The following FARP1 variants were observed in gnomAD, a reference collection of about 807,000 sequenced individuals.
FARP1 encodes the protein FERM, ARH/RhoGEF and pleckstrin domain protein 1.
In FARP1, 52 loss-of-function variants were observed where a neutral mutation model predicts 128.8. The ratio of observed to expected loss-of-function variants is 0.40; its 90% CI spans 0.32 to 0.51. The LOEUF is 0.51. Among genes scored for constraint, FARP1 ranks in the 20% least tolerant of loss-of-function variants. The pLI, the probability that FARP1 is intolerant of heterozygous loss-of-function variation, is 0.45. For synonymous variants in FARP1, 580 were observed against 551.8 expected, an observed-to-expected ratio of 1.05 and a Z score of -0.72; for missense variants, 1,333 against 1,367.9, an observed-to-expected ratio of 0.97 and a Z score of 0.40.
chr13:98,223,420 G>A (rs1411362389), intron 2 of FARP1, among the ~76,000 whole-genome samples: 3 of 152,192 alleles, frequency 2.0e-5, no homozygotes, highest in Non-Finnish European at 2.9e-5. Flanking sequence ...CCGCCTCCGG[G>A]GTTCAAGTGA....
At chr13:98,292,250 G>C (rs1267190084) in intron 2 of FARP1, among the ~76,000 whole-genome samples, 4 of 152,162 alleles carry the variant, frequency 2.6e-5, no homozygotes. Flanking sequence ...TCAATACATA[G>C]CATCCACATT....
chr13:98,250,998 C>T (rs994648472), intron 2 of FARP1, among the ~76,000 whole-genome samples: 2 of 152,210 alleles, frequency 1.3e-5, no homozygotes, highest in African/African-American at 4.8e-5. Context: ...TAGGCTCGAG[C>T]ACAGTGCTTG....
At chr13:98,332,688 AACTG>A (rs1195455222) in intron 2 of FARP1, 3 of 152,184 alleles carry the variant, frequency 2.0e-5, no homozygotes, top group Non-Finnish European at 2.9e-5. Flanking sequence ...CCATTCTCCC[AACTG>A]ACTATTTGAA....
chr13:98,308,976 C>T (rs951593751), intron 2 of FARP1, among the ~76,000 whole-genome samples: 9 of 151,862 alleles, frequency 5.9e-5, no homozygotes, highest in South Asian at 2.1e-4. Flanking sequence ...CCACTATGCC[C>T]GGCCAATAGG....
chr13:98,176,098 G>C lies in FARP1; in HGVS notation c.-24+32606G>C. The C allele has an allele frequency of 7.2e-7, 1 of 1,380,954 alleles. No homozygotes were observed. The highest frequency in any genetic ancestry group is 1.2e-5 in the South Asian group (1 of 82,490). 85.5% of individuals were successfully genotyped at this position (1,380,954 alleles called of 1,614,324 possible). A position where few individuals can be genotyped will look rare whatever the true frequency, so the allele number is the denominator to read the frequency against. On this transcript the variant is annotated intron_variant, in intron 1 of 26. Transcript: ENST00000319562. The surrounding 1 kb of genome is among the most constrained non-coding windows in gnomAD (Gnocchi z 6.2). Reference sequence around the variant, plus strand: ...TCAGGCATGGGATTGCAGGAAGACTGTCATCTCTCTCATCTTACTCAACAG... The same window carrying C: ...TCAGGCATGGGATTGCAGGAAGACTCTCATCTCTCTCATCTTACTCAACAG...
intron 25 of FARP1, 46 bp from the exon 26 acceptor site, chr13:98,446,620 A>G: frequency 1.9e-6 from 3 of 1,601,448 alleles, no homozygotes; most frequent in Non-Finnish European, 2.6e-6. Context: ...GCCCAGCAGC[A>G]GAAGCTGACC....
intron 1 of FARP1, among the ~76,000 whole-genome samples, chr13:98,188,851 G>A (rs1879053403): frequency 6.6e-6 from 1 of 152,220 alleles, no homozygotes; most frequent in Non-Finnish European, 1.5e-5. Flanking sequence ...GAGGCTCACC[G>A]TATGGGCCCA....
intron 2 of FARP1, among the ~76,000 whole-genome samples, chr13:98,306,686 TTTTTTTATTTC>T (rs1272599182): frequency 1.3e-4 from 8 of 62,886 alleles, no homozygotes; most frequent in Non-Finnish European, 2.6e-4. Context: ...GGCTAACTTT[TTTTTTTATTTC>T]ATTTTTTGTC....
At chr13:98,165,875 G>A (rs71437958) in intron 1 of FARP1, among the ~76,000 whole-genome samples, 1 of 151,584 alleles carries the variant, frequency 6.6e-6, no homozygotes, top group African/African-American at 2.4e-5. Context: ...ACACCACCAC[G>A]CCTGGCTAAT....
intron 8 of FARP1, among the ~76,000 whole-genome samples, chr13:98,387,320 A>C (rs1269895058): frequency 6.6e-6 from 1 of 152,168 alleles, no homozygotes; most frequent in African/African-American, 2.4e-5. Flanking sequence ...CAATAAAGCC[A>C]AGTGGAGTTT....
At chr13:98,277,142 ACACACACC>A (rs1377697498) in intron 2 of FARP1, among the ~76,000 whole-genome samples, 583 of 141,968 alleles carry the variant, frequency 4.1e-3, no homozygotes, top group Middle Eastern at 0.017. Context: ...ACACACACAC[ACACACACC>A]CCATATGTAT....
chr13:98,310,358 T>C (rs1169726717), intron 2 of FARP1, among the ~76,000 whole-genome samples: 1 of 152,152 alleles, frequency 6.6e-6, no homozygotes, highest in East Asian at 1.9e-4. Context: ...AATAAATCTG[T>C]ACATCAGTAA....
rs918905955 is a variant in FARP1 at position 98,450,124 on chromosome 13, A to AAAT, written c.*1809_*1811dup. ...CTCTGCTTCCTGTGTGCCCTCAAGA[A>AAAT]AATACTAGTGTGGGTAACAGTCCAT... is the stretch of plus-strand genomic sequence containing the variant. On this transcript the variant is annotated 3_prime_UTR_variant, in exon 27 of 27. Coordinates refer to ENST00000319562, the MANE Select transcript of FARP1 (RefSeq NM_005766.4). 6.6e-6 allele frequency: 1 copy of AAAT among 152,238 alleles called. No individual in the cohort carries two copies. The highest frequency in any genetic ancestry group is 2.4e-5 in the African/African-American group (1 of 41,462). 9.4% of individuals were successfully genotyped at this position (152,238 alleles called of 1,614,324 possible). A position where few individuals can be genotyped will look rare whatever the true frequency, so the allele number is the denominator to read the frequency against.
Position 98,390,145 on chromosome 13 carries a change from G to A in FARP1, c.1019+25G>A, listed in dbSNP as rs747107068. On this transcript the variant is annotated intron_variant, in intron 10 of 26. Coordinates refer to ENST00000319562, the MANE Select transcript of FARP1 (RefSeq NM_005766.4). ...GGTGAGGTCGCCACTTTGTGCCTCTGTTTGCTGGGTGCACGTTTTTCCTCC... is the reference window on the plus strand; with the variant it reads ...GGTGAGGTCGCCACTTTGTGCCTCTATTTGCTGGGTGCACGTTTTTCCTCC... 27 of 1,606,868 alleles carry A rather than the reference G, an allele frequency of 1.7e-5. No homozygotes were observed. The South Asian group carries it at 2.0e-4, about 12-fold the overall frequency.
rs76091730 is a variant in FARP1, at chr13:98,157,093, A to G, written c.-24+13601A>G. Among the ~76,000 whole-genome samples the G allele has an allele frequency of 4.0e-4, 61 of 152,324 alleles. 1 individual carries two copies. The East Asian group carries it at 0.01, about 26-fold the overall frequency. The stretch of plus-strand genomic sequence containing the variant: ...CACCTCACTGCATCACCGCCTCTTT[A>G]TAGAGATTTTAGAAAATGCTCACTT... On this transcript the variant is annotated intron_variant, in intron 1 of 26. Transcript: ENST00000319562.
intron 11 of FARP1, among the ~76,000 whole-genome samples, chr13:98,393,011 A>G (rs1425031034): frequency 6.6e-6 from 1 of 152,170 alleles, no homozygotes; most frequent in Non-Finnish European, 1.5e-5. Context: ...AATAGAATCT[A>G]TATTTACACA....
At chr13:98,247,493 C>G (rs1305917733) in intron 2 of FARP1, among the ~76,000 whole-genome samples, 6 of 152,060 alleles carry the variant, frequency 3.9e-5, no homozygotes, top group Admixed American at 2.0e-4. Context: ...ATCCCCGCAG[C>G]CCTGCTGGGG....
intron 2 of FARP1, among the ~76,000 whole-genome samples, chr13:98,232,194 G>A (rs554332265): frequency 7.5e-6 from 1 of 133,190 alleles, no homozygotes; most frequent in South Asian, 2.4e-4. Flanking sequence ...TTAGGGGCCT[G>A]TTGTTTTTAA....
At chr13:98,180,112 T>C (rs1186013546) in intron 1 of FARP1, among the ~76,000 whole-genome samples, 1 of 151,984 alleles carries the variant, frequency 6.6e-6, no homozygotes. Context: ...TGCCTGAGGC[T>C]AGGTAATTTA....
Sources: gnomAD v4.1 joint callset for allele counts (sites outside exome capture counted in the v4.1 genomes callset) on GRCh38, gnomAD v4.1.1 for gene constraint, Gnocchi (gnomAD v3.1) non-coding constraint, MANE v1.5 for transcripts, NCBI Gene and HGNC (gene_info 2026-07-23, HGNC 2026-07-21) for gene names.